The following BRIP1 variants were observed in gnomAD, a reference collection of about 807,000 sequenced individuals.
BRIP1 encodes the protein BRCA1 interacting DNA helicase 1.
A neutral mutation model predicts 119.7 loss-of-function variants in BRIP1; 88 were observed. That is an observed-to-expected ratio of 0.74 (90% CI 0.62 to 0.88). The LOEUF is 0.88. Ranked by LOEUF, BRIP1 falls within the 40% of genes least tolerant of loss-of-function variation. BRIP1 has a pLI of 0.00. For synonymous variants in BRIP1, 443 were observed against 496.5 expected, an observed-to-expected ratio of 0.89 and a Z score of 1.43; for missense variants, 1,259 against 1,455.4, an observed-to-expected ratio of 0.87 and a Z score of 2.20.
rs544270443 is a variant in BRIP1, at chr17:61,691,275, G to C, written c.2575+2155C>G. Among the ~76,000 whole-genome samples the C allele has an allele frequency of 3.2e-4, 48 of 150,810 alleles. No individual in the cohort carries two copies. Among genetic ancestry groups the C allele is most frequent in the Admixed American group, 7.3e-4 (11 of 15,152 alleles). ...TTAAAATAAAAAAACTCAAACCAGG[G>C]AAAAAAAATAGCATCAAAAATAATA... On this transcript the variant is annotated intron_variant, in intron 18 of 19. Coordinates refer to ENST00000259008, the MANE Select transcript of BRIP1 (RefSeq NM_032043.3). This position sits in a 1 kb window ranked among gnomAD's most constrained non-coding sequence, Gnocchi z 5.0.
chr17:61,821,502 T>A (rs1291561281), intron 6 of BRIP1, among the ~76,000 whole-genome samples: 2 of 149,820 alleles, frequency 1.3e-5, no homozygotes, highest in African/African-American at 4.9e-5. Context: ...TCTCTTTTTT[T>A]TTCTTGTATT....
chr17:61,765,358 G>A (rs1165802823), intron 14 of BRIP1, among the ~76,000 whole-genome samples: 1 of 90,250 alleles, frequency 1.1e-5, no homozygotes, highest in African/African-American at 5.5e-5. Flanking sequence ...ATATGTATGT[G>A]TGTGTGTGTG....
At position 61,832,898 on chromosome 17, in the gene BRIP1, A is replaced by C. The variant is rs1355267385; in HGVS notation, c.627+14203T>G. Among the ~76,000 whole-genome samples the C allele has an allele frequency of 6.6e-6, 1 of 152,218 alleles. No individual in the cohort carries two copies. The highest frequency in any genetic ancestry group is 2.4e-5 in the African/African-American group (1 of 41,456). ...CTTTGCTTATAAGACATAGACACTA[A>C]AGTATTTCAGGGTGAGGGAACATCA... On this transcript the variant is annotated intron_variant, in intron 6 of 19. Transcript: ENST00000259008. This position sits in a 1 kb window ranked among gnomAD's most constrained non-coding sequence, Gnocchi z 5.5.
rs1204822765 is a variant in BRIP1 at position 61,853,995 on chromosome 17, G to C, written c.379+3063C>G. 1.3e-5 allele frequency among the ~76,000 whole-genome samples: 2 copies of C among 152,110 alleles called. No individual in the cohort carries two copies. Among genetic ancestry groups the C allele is most frequent in the African/African-American group, 2.4e-5 (1 of 41,408 alleles). On this transcript the variant is annotated intron_variant, in intron 4 of 19. Coordinates refer to ENST00000259008, the MANE Select transcript of BRIP1 (RefSeq NM_032043.3). This position sits in a 1 kb window ranked among gnomAD's most constrained non-coding sequence, Gnocchi z 4.3. ...GCCTATTAGAGTAGCTAAAATTAAG[G>C]CCAGGTATGGTGGCTCATGCCTATA...
At position 61,776,450 on chromosome 17, in the gene BRIP1, A is replaced by C. The variant is rs1294492499; in HGVS notation, c.2048T>G (p.Val683Gly). Residue 683 changes from valine to glycine, a missense_variant, in exon 14 of 20, where the codon GTG (valine) becomes GGG (glycine). Around this residue, in one of 3 missense-constraint regions of BRIP1, gnomAD observed 753 missense variants for 891.8 expected, o/e 0.84. Coordinates refer to ENST00000259008, the MANE Select transcript of BRIP1 (RefSeq NM_032043.3). This position sits in a 1 kb window ranked among gnomAD's most constrained non-coding sequence, Gnocchi z 5.0. ...QDEVGALLLS[V>G]CQTVSQGILC... ...AATTCCTTGGCTCACAGTCTGGCAC[A>C]CAGATAACAAAAGTGCTCCCACTTC... The C allele has an allele frequency of 1.9e-6, 3 of 1,614,194 alleles. No homozygotes were observed. The East Asian group carries it at 6.7e-5, about 36-fold the overall frequency.
chr17:61,736,885 A>G lies in BRIP1; in HGVS notation c.2379+6128T>C, dbSNP rs572198729. ...AAAGGTAACTGCAGGTGAATACTAC[A>G]ATATGCTTTTGAATTGCAATTCCTC... is the stretch of plus-strand genomic sequence containing the variant. On this transcript the variant is annotated intron_variant, in intron 16 of 19. Coordinates refer to ENST00000259008, the MANE Select transcript of BRIP1 (RefSeq NM_032043.3). The surrounding 1 kb of genome is among the most constrained non-coding windows in gnomAD (Gnocchi z 4.4). 1.4e-4 allele frequency among the ~76,000 whole-genome samples: 21 copies of G among 152,310 alleles called. No homozygotes were observed. Among genetic ancestry groups the G allele is most frequent in the South Asian group, 4.1e-4 (2 of 4,824 alleles).
At chr17:61,812,562 A>G (rs1175157057) in intron 6 of BRIP1, among the ~76,000 whole-genome samples, 2 of 152,072 alleles carry the variant, frequency 1.3e-5, no homozygotes, top group East Asian at 1.9e-4. Flanking sequence ...AAGAAAAGGC[A>G]AGAAAACCCA....
chr17:61,735,137 A>G lies in BRIP1; in HGVS notation c.2379+7876T>C, dbSNP rs72842973. Among the ~76,000 whole-genome samples, 1,388 of 152,322 alleles carry G rather than the reference A, an allele frequency of 9.1e-3. 9 individuals carry two copies. Among genetic ancestry groups the G allele is most frequent in the Non-Finnish European group, 0.013 (890 of 68,018 alleles). The stretch of plus-strand genomic sequence containing the variant: ...ATCATCATCTCTTTTCATAGGGAAT[A>G]GGAGTATGGCAGACACACCCTAAGG... On this transcript the variant is annotated intron_variant, in intron 16 of 19. Coordinates refer to ENST00000259008, the MANE Select transcript of BRIP1 (RefSeq NM_032043.3). This position sits in a 1 kb window ranked among gnomAD's most constrained non-coding sequence, Gnocchi z 4.4.
intron 10 of BRIP1, among the ~76,000 whole-genome samples, chr17:61,790,487 G>A (rs986680967): frequency 3.9e-5 from 6 of 151,946 alleles, no homozygotes; most frequent in Middle Eastern, 3.4e-3. Context: ...CAGAGGTTGC[G>A]GTGAGCTGAG....
At position 61,730,919 on chromosome 17, in the gene BRIP1, A is replaced by T. The variant is rs1603299348; in HGVS notation, c.2379+12094T>A. On this transcript the variant is annotated intron_variant, in intron 16 of 19. Transcript: ENST00000259008. This position sits in a 1 kb window ranked among gnomAD's most constrained non-coding sequence, Gnocchi z 4.3. ...TTTGTTCATTTGTTTTTCAGAAGGG[A>T]TGGAAACAGAGGGGTTTCATTAACT... Among the ~76,000 whole-genome samples, 1 of 152,190 alleles carries T rather than the reference A, an allele frequency of 6.6e-6. No homozygotes were observed. Among genetic ancestry groups the T allele is most frequent in the South Asian group, 2.1e-4 (1 of 4,832 alleles).
chr17:61,731,383 C>T (rs1335216110), intron 16 of BRIP1, among the ~76,000 whole-genome samples: 1 of 152,174 alleles, frequency 6.6e-6, no homozygotes, highest in Non-Finnish European at 1.5e-5. Context: ...AACCAGAAGT[C>T]CACTCCACTC....
chr17:61,696,828 A>G (rs1411837982), intron 17 of BRIP1, among the ~76,000 whole-genome samples: 1 of 151,388 alleles, frequency 6.6e-6, no homozygotes, highest in African/African-American at 2.4e-5. Flanking sequence ...TACTAAATAT[A>G]CAAAAAATTA....
intron 4 of BRIP1, among the ~76,000 whole-genome samples, chr17:61,850,046 T>A (rs1214849289): frequency 6.6e-6 from 1 of 152,148 alleles, no homozygotes; most frequent in Non-Finnish European, 1.5e-5. Context: ...TTTGCTTCTC[T>A]CTAAGCATTC....
rs997340039 is a variant in BRIP1 at position 61,768,804 on chromosome 17, G to A, written c.2097+7597C>T. Among the ~76,000 whole-genome samples the A allele has an allele frequency of 7.9e-5, 12 of 152,120 alleles. No homozygotes were observed. The highest frequency in any genetic ancestry group is 2.7e-4 in the African/African-American group (11 of 41,428). Reference sequence around the variant, plus strand: ...GTAAAGATGAGGGGATTTTATGAACGTAATTAAGGTCTACCTCAATTGATT... The same window carrying A: ...GTAAAGATGAGGGGATTTTATGAACATAATTAAGGTCTACCTCAATTGATT... On this transcript the variant is annotated intron_variant, in intron 14 of 19. Coordinates refer to ENST00000259008, the MANE Select transcript of BRIP1 (RefSeq NM_032043.3). The surrounding 1 kb of genome is among the most constrained non-coding windows in gnomAD (Gnocchi z 5.0).
chr17:61,761,293 C>G lies in BRIP1; in HGVS notation c.2097+15108G>C, dbSNP rs186937585. Among the ~76,000 whole-genome samples, 20 of 151,958 alleles carry G rather than the reference C, an allele frequency of 1.3e-4. No individual in the cohort carries two copies. The highest frequency in any genetic ancestry group is 2.1e-4 in the Non-Finnish European group (14 of 67,848). Reference sequence around the variant, plus strand: ...AAAGGCCAAATATGATAAGACCACACTTAACATTATATTCAATGGTGAAAA... The same window carrying G: ...AAAGGCCAAATATGATAAGACCACAGTTAACATTATATTCAATGGTGAAAA... On this transcript the variant is annotated intron_variant, in intron 14 of 19. Transcript: ENST00000259008. This position sits in a 1 kb window ranked among gnomAD's most constrained non-coding sequence, Gnocchi z 6.4.
chr17:61,765,414 TATATA>T (rs1465963898), intron 14 of BRIP1, among the ~76,000 whole-genome samples: 32 of 16,944 alleles, frequency 1.9e-3, no homozygotes, highest in Non-Finnish European at 2.6e-3. Context: ...TATATATATA[TATATA>T]TATATTTTTT....
Position 61,823,418 on chromosome 17 carries a change from T to C in BRIP1, c.628-14661A>G, listed in dbSNP as rs1487946465. ...AGGAAACAAAGAGGTGATAACTACA[T>C]TACTTTACTTCTACAGATGAAAACA... is the stretch of plus-strand genomic sequence containing the variant. On this transcript the variant is annotated intron_variant, in intron 6 of 19. Transcript: ENST00000259008. This position sits in a 1 kb window ranked among gnomAD's most constrained non-coding sequence, Gnocchi z 4.8. Among the ~76,000 whole-genome samples the C allele has an allele frequency of 1.3e-5, 2 of 152,184 alleles. No homozygotes were observed. Among genetic ancestry groups the C allele is most frequent in the Non-Finnish European group, 2.9e-5 (2 of 68,032 alleles).
rs756484697 is a variant in BRIP1 at position 61,852,133 on chromosome 17, T to C, written c.380-2877A>G. On this transcript the variant is annotated intron_variant, in intron 4 of 19. Coordinates refer to ENST00000259008, the MANE Select transcript of BRIP1 (RefSeq NM_032043.3). This position sits in a 1 kb window ranked among gnomAD's most constrained non-coding sequence, Gnocchi z 4.9. The stretch of plus-strand genomic sequence containing the variant: ...GAGGGTAGGGAATGTCCACCCAAAA[T>C]GATCATTTAGTTTTAGAAAACTGAA... 3.9e-5 allele frequency among the ~76,000 whole-genome samples: 6 copies of C among 152,164 alleles called. No individual in the cohort carries two copies. Among genetic ancestry groups the C allele is most frequent in the Non-Finnish European group, 8.8e-5 (6 of 68,032 alleles).
chr17:61,808,949 T>C lies in BRIP1; in HGVS notation c.628-192A>G, dbSNP rs16945638. 0.071 allele frequency among the ~76,000 whole-genome samples: 10,759 copies of C among 152,248 alleles called. 584 individuals carry two copies. The highest frequency in any genetic ancestry group is 0.24 in the South Asian group (1,179 of 4,824). On this transcript the variant is annotated intron_variant, in intron 6 of 19. Transcript: ENST00000259008. The surrounding 1 kb of genome is among the most constrained non-coding windows in gnomAD (Gnocchi z 4.1). ...ATTTAAAATTGGTCCTCATTCTTTCTTTTAAAAGTTATAAATGATATTTCC... is the reference window on the plus strand; with the variant it reads ...ATTTAAAATTGGTCCTCATTCTTTCCTTTAAAAGTTATAAATGATATTTCC...
Sources: gnomAD v4.1 joint callset for allele counts (sites outside exome capture counted in the v4.1 genomes callset) on GRCh38, gnomAD v4.1.1 for gene constraint, gnomAD v4.1.1 regional missense constraint, Gnocchi (gnomAD v3.1) non-coding constraint, MANE v1.5 for transcripts, NCBI Gene and HGNC (gene_info 2026-07-23, HGNC 2026-07-21) for gene names.